The following VIRMA variants were observed in gnomAD, a reference collection of about 807,000 sequenced individuals.
VIRMA encodes protein virilizer homolog.
In VIRMA, 65 loss-of-function variants were observed where a neutral mutation model predicts 182.4. The ratio of observed to expected loss-of-function variants is 0.36; its 90% confidence interval spans 0.29 to 0.44. The LOEUF (loss-of-function observed/expected upper bound fraction) is 0.44, where lower values mean the gene tolerates loss of function less well. Ranked by LOEUF, VIRMA falls within the 20% of genes least tolerant of loss-of-function variation. The probability of loss-of-function intolerance (pLI) is 1.00; values close to 1 mark genes in which losing one functional copy is unlikely to be tolerated. For synonymous variants in VIRMA, 709 were observed against 743.1 expected, an observed-to-expected ratio of 0.95 and a Z score of 0.75; for missense variants, 1,752 against 2,158.1, an observed-to-expected ratio of 0.81 and a Z score of 3.73.
At chr8:94,541,256 G>A (rs1478846891) in intron 2 of VIRMA, among the ~76,000 whole-genome samples, 1 of 151,716 alleles carries the variant, frequency 6.6e-6, no homozygotes, top group Non-Finnish European at 1.5e-5. Flanking sequence ...CAAGCAGCGA[G>A]GACTACAGGC....
chr8:94,514,823 CCA>C (rs1306883826), intron 11 of VIRMA, 44 bp downstream of exon 11: 3 of 942,948 alleles, frequency 3.2e-6, no homozygotes, highest in Non-Finnish European at 5.1e-6. Flanking sequence ...CCATGTACTA[CCA>C]CACAGTTTCA....
Position 94,532,410 on chromosome 8 carries a change from A to G in VIRMA, c.485-1325T>C, listed in dbSNP as rs574439244. 2.2e-4 allele frequency among the ~76,000 whole-genome samples: 33 copies of G among 152,294 alleles called. No homozygotes were observed. In the South Asian group the frequency reaches 5.6e-3, roughly 26 times the overall value. ...GCGTGAGCCACGGCATCCAGCCCAG[A>G]TAAGTATTTTGATCATGGTGTTGGT... On this transcript the variant is annotated intron_variant, in intron 5 of 23. Coordinates refer to ENST00000297591, the MANE Select transcript of VIRMA (RefSeq NM_015496.5).
intron 1 of VIRMA, among the ~76,000 whole-genome samples, chr8:94,545,466 A>G (rs1815726350): frequency 6.6e-6 from 1 of 152,228 alleles, no homozygotes; most frequent in Admixed American, 6.5e-5. Context: ...GTTTGTATAT[A>G]AAAGAGTTTC....
intron 8 of VIRMA, among the ~76,000 whole-genome samples, chr8:94,520,185 C>CA (rs757063695): frequency 0.24 from 19,771 of 82,806 alleles, 2,280 homozygotes; most frequent in Middle Eastern, 0.36. Context: ...GACCCTGCAT[C>CA]AAAAAAAAAA....
intron 5 of VIRMA, among the ~76,000 whole-genome samples, chr8:94,532,273 A>C (rs1026587696): frequency 3.3e-5 from 5 of 152,078 alleles, no homozygotes; most frequent in African/African-American, 1.2e-4. Flanking sequence ...TGCCCAGCAA[A>C]TTTTTGTATT....
At chr8:94,502,405 T>C (rs1814020139) in intron 16 of VIRMA, among the ~76,000 whole-genome samples, 3 of 151,506 alleles carry the variant, frequency 2.0e-5, no homozygotes, top group South Asian at 2.1e-4. Flanking sequence ...AAAACATATA[T>C]ATAAATTAAT....
Position 94,495,822 on chromosome 8 carries a change from C to G in VIRMA, c.4453G>C (p.Glu1485Gln). Residue 1485 changes from glutamate (E) to glutamine (Q), a missense_variant, in exon 19 of 24, where the codon GAG becomes CAG. Glu to Gln is a conservative substitution (Grantham distance 29). Transcript: ENST00000297591. Reference protein sequence around the residue: ...DSVVGLKQMLESSGDPLPLSD... With the variant: ...DSVVGLKQMLQSSGDPLPLSD... ...AGAGGTAAAGGGTCACCTGATGACT[C>G]CAGCATCTGCTTAAGTCCAACTACA... The G allele has an allele frequency of 2.5e-6, 4 of 1,613,588 alleles. No homozygotes were observed. The highest frequency in any genetic ancestry group is 3.4e-6 in the Non-Finnish European group (4 of 1,179,556).
At chr8:94,502,704 G>A (rs1814033260) in intron 16 of VIRMA, among the ~76,000 whole-genome samples, 1 of 151,998 alleles carries the variant, frequency 6.6e-6, no homozygotes, top group Non-Finnish European at 1.5e-5. Context: ...AGTCCATCTT[G>A]GCTGGAACAG....
intron 4 of VIRMA, 105 bp downstream of exon 4, chr8:94,536,998 A>G (rs949656055): frequency 2.4e-6 from 2 of 825,080 alleles, no homozygotes; most frequent in East Asian, 2.5e-5. Context: ...AAAGAAAAAA[A>G]AAAAGATATG....
chr8:94,522,596 G>T (rs1432224276), intron 8 of VIRMA, among the ~76,000 whole-genome samples: 1 of 152,050 alleles, frequency 6.6e-6, no homozygotes, highest in Non-Finnish European at 1.5e-5. Context: ...TGCTACCCTG[G>T]CTAGAAATCT....
rs142239367 is a variant in VIRMA, at chr8:94,509,870, C to T, written c.3697G>A (p.Ala1233Thr). 1 of 1,613,668 alleles carries T rather than the reference C, an allele frequency of 6.2e-7. No homozygotes were observed. The highest frequency in any genetic ancestry group is 1.3e-5 in the African/African-American group (1 of 74,890). ...GCTAATTTACAAGCTTTGTGTGAAGCCAGAGCATCAAGAAGAGCAAGCAAC... is the reference window on the plus strand; with the variant it reads ...GCTAATTTACAAGCTTTGTGTGAAGTCAGAGCATCAAGAAGAGCAAGCAAC... ...TRLLALLDAL[A>T]SHKACKLAIL... Residue 1233 changes from alanine to threonine, a missense_variant, in exon 15 of 24, where the codon GCT becomes ACT. Ala to Thr is a moderately conservative substitution (Grantham distance 58). This residue lies in a region of VIRMA where 777 missense variants were observed against 920.6 expected (regional missense o/e 0.84). Coordinates refer to ENST00000297591, the MANE Select transcript of VIRMA (RefSeq NM_015496.5).
At chr8:94,522,837 A>T (rs1219912142) in intron 8 of VIRMA, among the ~76,000 whole-genome samples, 1 of 152,186 alleles carries the variant, frequency 6.6e-6, no homozygotes. Context: ...GCAACACAAA[A>T]TCTGAGAATA....
At chr8:94,511,105 T>C (rs1328378662) in intron 13 of VIRMA, 80 bp downstream of exon 13, 1 of 1,529,526 alleles carries the variant, frequency 6.5e-7, no homozygotes, top group African/African-American at 1.4e-5. Context: ...TGAGGGTTTT[T>C]GTTTTTTAAC....
At chr8:94,518,119 C>T (rs548230151) in intron 9 of VIRMA, among the ~76,000 whole-genome samples, 177 bp from the exon 10 acceptor site, 56 of 152,224 alleles carry the variant, frequency 3.7e-4, no homozygotes, top group Non-Finnish European at 5.9e-4. Flanking sequence ...CACCTGAAAC[C>T]ATTACTTTAC....
chr8:94,525,376 C>T (rs1430209975), intron 8 of VIRMA, among the ~76,000 whole-genome samples: 11 of 152,210 alleles, frequency 7.2e-5, no homozygotes, highest in Non-Finnish European at 4.4e-5. Context: ...ATCTTACTCT[C>T]TTCAGGCATT....
At chr8:94,516,986 T>G (rs1814581715) in intron 10 of VIRMA, among the ~76,000 whole-genome samples, 1 of 152,212 alleles carries the variant, frequency 6.6e-6, no homozygotes. Flanking sequence ...TTAGGTATAT[T>G]AAACTTGTCA....
At chr8:94,530,629 A>G (rs1183863135) in intron 6 of VIRMA, among the ~76,000 whole-genome samples, 3 of 152,214 alleles carry the variant, frequency 2.0e-5, no homozygotes, top group Admixed American at 2.0e-4. Context: ...ATCAAAAAGC[A>G]CTATTAGCCA....
chr8:94,512,287 T>C, intron 11 of VIRMA, 198 bp from the exon 12 acceptor site: 1 of 272,026 alleles, frequency 3.7e-6, no homozygotes, highest in Non-Finnish European at 6.7e-6. Flanking sequence ...ATCTCTGGCA[T>C]ATGTTGTACT....
chr8:94,520,773 G>A (rs968550624), intron 8 of VIRMA, among the ~76,000 whole-genome samples: 10 of 152,288 alleles, frequency 6.6e-5, no homozygotes, highest in Admixed American at 2.0e-4. Flanking sequence ...TGCAGACAGT[G>A]AGGGATGACT....
Sources: gnomAD v4.1 joint callset for allele counts (sites outside exome capture counted in the v4.1 genomes callset) on GRCh38, gnomAD v4.1.1 for gene constraint, gnomAD v4.1.1 regional missense constraint, MANE v1.5 for transcripts, NCBI Gene and HGNC (gene_info 2026-07-23, HGNC 2026-07-21) for gene names.